NPR3: variants seen among roughly 807,000 people sequenced by gnomAD.
NPR3 encodes natriuretic peptide receptor 3, also known as atrial natriuretic peptide receptor 3.
In NPR3, 34 loss-of-function variants were observed where a neutral mutation model predicts 54.5. The observed-to-expected ratio is 0.62, with a 90% CI of 0.47 to 0.83. The LOEUF (loss-of-function observed/expected upper bound fraction) is 0.83, where lower values mean the gene tolerates loss of function less well. Among genes scored for constraint, NPR3 ranks in the 40% least tolerant of loss-of-function variants. The pLI, the probability that NPR3 is intolerant of heterozygous loss-of-function variation, is 0.00. For synonymous variants in NPR3, 289 were observed against 297.1 expected (o/e 0.97, Z 0.28); for missense variants, 674 against 720.8 (o/e 0.94, Z 0.74).
chr5:32,714,246 C>T (rs1051019907), intron 1 of NPR3, among the ~76,000 whole-genome samples: 3 of 152,242 alleles, frequency 2.0e-5, no homozygotes, highest in Admixed American at 1.3e-4. Flanking sequence ...CCTGTAGATC[C>T]CAATGTCAGC....
At chr5:32,699,497 G>C (rs1443751168) in intron 1 of NPR3, among the ~76,000 whole-genome samples, 1 of 152,000 alleles carries the variant, frequency 6.6e-6, no homozygotes, top group Non-Finnish European at 1.5e-5. Context: ...AATGTGTGCT[G>C]TTCACCTCCC....
intron 7 of NPR3, among the ~76,000 whole-genome samples, chr5:32,785,247 G>A (rs928880434): frequency 6.7e-6 from 1 of 149,294 alleles, no homozygotes; most frequent in Non-Finnish European, 1.5e-5. Flanking sequence ...CCACCTCCTG[G>A]GTTCAAGCAA....
chr5:32,729,839 A>G (rs1473418967), intron 2 of NPR3, among the ~76,000 whole-genome samples: 1 of 152,220 alleles, frequency 6.6e-6, no homozygotes, highest in African/African-American at 2.4e-5. Flanking sequence ...GACTGTACAT[A>G]TTTTACCAAG....
chr5:32,739,785 G>A (rs1192092629), intron 3 of NPR3, among the ~76,000 whole-genome samples: 2 of 152,194 alleles, frequency 1.3e-5, no homozygotes, highest in African/African-American at 4.8e-5. Flanking sequence ...CTTAGAACAG[G>A]ATGAGTGATG....
chr5:32,695,167 T>C (rs1740492115), intron 1 of NPR3, among the ~76,000 whole-genome samples: 1 of 152,268 alleles, frequency 6.6e-6, no homozygotes, highest in Admixed American at 6.5e-5. Context: ...GCAATAAACA[T>C]GGGAATGCAG....
At chr5:32,713,053 T>A (rs1738349625) in intron 1 of NPR3, 1 of 534,164 alleles carries the variant, frequency 1.9e-6, no homozygotes, top group Non-Finnish European at 2.4e-6. Flanking sequence ...GACTGTTGTT[T>A]CCACAGACCC....
At chr5:32,726,263 A>G (rs1267336197) in intron 2 of NPR3, among the ~76,000 whole-genome samples, 1 of 152,218 alleles carries the variant, frequency 6.6e-6, no homozygotes, top group African/African-American at 2.4e-5. Flanking sequence ...GGCTTACTGG[A>G]GCAGTACATC....
intron 1 of NPR3, among the ~76,000 whole-genome samples, chr5:32,702,309 G>T (rs887383023): frequency 1.6e-4 from 24 of 151,960 alleles, no homozygotes; most frequent in Admixed American, 9.8e-4. Flanking sequence ...TGCACAATGT[G>T]CAGGTTAGTT....
Position 32,713,151 on chromosome 5 carries a change from C to T in NPR3, c.769+606C>T, listed in dbSNP as rs116733663. On this transcript the variant is annotated intron_variant, in intron 1 of 7. Transcript: ENST00000265074. ...CTTATAAACGAGCTTCTGTGGTTTC[C>T]ACCAAAAATGCCCCTGTGTGTCTGA... The T allele has an allele frequency of 5.9e-4, 584 of 985,108 alleles. 1 individual carries two copies. In the African/African-American group the frequency reaches 9.5e-3, roughly 16 times the overall value. The allele number at this position is 985,108 out of a possible 1,614,324, so 61.0% of individuals were successfully genotyped here.
chr5:32,733,649 A>G (rs1318531555), intron 2 of NPR3, among the ~76,000 whole-genome samples: 1 of 152,234 alleles, frequency 6.6e-6, no homozygotes, highest in Non-Finnish European at 1.5e-5. Flanking sequence ...AACCAGGGAG[A>G]GATTAGAATT....
intron 3 of NPR3, among the ~76,000 whole-genome samples, chr5:32,771,862 G>T (rs1741778171): frequency 6.6e-6 from 1 of 152,046 alleles, no homozygotes; most frequent in African/African-American, 2.4e-5. Context: ...AGGGCACCTG[G>T]CATCTCCCAT....
intron 2 of NPR3, among the ~76,000 whole-genome samples, chr5:32,736,230 C>CAAAAAAAAAAAA (rs56211529): frequency 5.9e-4 from 38 of 64,906 alleles, no homozygotes; most frequent in Non-Finnish European, 7.6e-4. Context: ...CACTCTGTCT[C>CAAAAAAAAAAAA]AAAAAAAAAA....
At chr5:32,754,765 A>T (rs1031404597) in intron 3 of NPR3, among the ~76,000 whole-genome samples, 1 of 152,204 alleles carries the variant, frequency 6.6e-6, no homozygotes, top group Non-Finnish European at 1.5e-5. Context: ...GAAGACCTTT[A>T]TTAATTATTT....
intron 3 of NPR3, among the ~76,000 whole-genome samples, chr5:32,746,765 T>A (rs1031112882): frequency 2.6e-5 from 4 of 152,196 alleles, no homozygotes; most frequent in Non-Finnish European, 5.9e-5. Context: ...TCAGCTTATT[T>A]GGCTTTTCTG....
intron 2 of NPR3, among the ~76,000 whole-genome samples, chr5:32,737,665 A>G (rs1240213515): frequency 6.6e-6 from 1 of 152,224 alleles, no homozygotes; most frequent in Non-Finnish European, 1.5e-5. Flanking sequence ...CAAAAGTTAG[A>G]GGTCCACCTT....
intron 2 of NPR3, among the ~76,000 whole-genome samples, chr5:32,725,284 G>A (rs535597562): frequency 2.0e-5 from 3 of 151,978 alleles, no homozygotes; most frequent in Admixed American, 1.3e-4. Flanking sequence ...AAAACAAGAG[G>A]GTTGTGAGAA....
chr5:32,738,782 G>A, intron 2 of NPR3, 82 bp from the exon 3 acceptor site: 2 of 1,237,764 alleles, frequency 1.6e-6, no homozygotes, highest in Non-Finnish European at 2.3e-6. Context: ...TAACATGCGG[G>A]GGCGCCTCAC....
intron 1 of NPR3, chr5:32,713,523 A>C: frequency 2.2e-6 from 2 of 930,202 alleles, no homozygotes; most frequent in Non-Finnish European, 2.6e-6. Flanking sequence ...GAGCACTGCG[A>C]TGAGGGAATC....
chr5:32,781,991 C>T (rs1225292800), intron 5 of NPR3, among the ~76,000 whole-genome samples: 1 of 152,172 alleles, frequency 6.6e-6, no homozygotes, highest in African/African-American at 2.4e-5. Context: ...AGAGAAATGA[C>T]TTCCAAGAAC....
Sources: allele counts gnomAD v4.1 joint callset (sites outside exome capture counted in the v4.1 genomes callset), GRCh38; gene constraint gnomAD v4.1.1; transcripts MANE v1.5; gene names NCBI Gene and HGNC (gene_info 2026-07-23, HGNC 2026-07-21).